RIMBP2: variants seen among roughly 807,000 people sequenced by gnomAD.
The protein encoded by RIMBP2 is RIMS binding protein 2, also known as RIMS-binding protein 2.
Under a neutral mutation model 118.6 loss-of-function variants are expected in RIMBP2, and 48 were observed. The ratio of observed to expected loss-of-function variants is 0.40; its 90% confidence interval spans 0.32 to 0.51. RIMBP2 has a LOEUF of 0.51. Ranked by LOEUF, RIMBP2 falls within the 20% of genes least tolerant of loss-of-function variation. The pLI, the probability that RIMBP2 is intolerant of heterozygous loss-of-function variation, is 0.41. For missense variants in RIMBP2, 1,551 were observed against 1,768.3 expected, an observed-to-expected ratio of 0.88 and a Z score of 2.20; for synonymous variants, 762 against 742.9, an observed-to-expected ratio of 1.03 and a Z score of -0.42.
At chr12:130,456,791 A>G (rs1334614581) in intron 6 of RIMBP2, 91 bp from the exon 7 acceptor site, 17 of 967,334 alleles carry the variant, frequency 1.8e-5, no homozygotes, top group African/African-American at 8.1e-5. Flanking sequence ...ACGTGTGCAC[A>G]TGTGCACTGT....
chr12:130,664,415 A>ACGCACACACACGCACG (rs1195044326), intron 1 of RIMBP2, among the ~76,000 whole-genome samples: 1 of 130,496 alleles, frequency 7.7e-6, no homozygotes, highest in Non-Finnish European at 1.7e-5. Context: ...ACGCACGCAC[A>ACGCACACACACGCACG]CACACGCACA....
chr12:130,526,991 G>C (rs937411975), intron 2 of RIMBP2, among the ~76,000 whole-genome samples: 1 of 152,080 alleles, frequency 6.6e-6, no homozygotes, highest in African/African-American at 2.4e-5. Context: ...CCACAGGGTG[G>C]AAGGCGAGTG....
At chr12:130,513,694 A>G (rs7298605) in intron 3 of RIMBP2, among the ~76,000 whole-genome samples, 11,211 of 152,250 alleles carry the variant, frequency 0.074, 535 homozygotes, top group East Asian at 0.16. Context: ...AGAGAATCCA[A>G]TTCAACACTC....
chr12:130,520,532 C>T (rs917593032), intron 2 of RIMBP2, among the ~76,000 whole-genome samples: 10 of 152,068 alleles, frequency 6.6e-5, no homozygotes, highest in Admixed American at 2.6e-4. Flanking sequence ...ATTAGCCAGG[C>T]GTGGTGGTGG....
At chr12:130,665,524 T>A (rs571137043) in intron 1 of RIMBP2, among the ~76,000 whole-genome samples, 1 of 151,514 alleles carries the variant, frequency 6.6e-6, no homozygotes, top group Non-Finnish European at 1.5e-5. Flanking sequence ...CCAGCCTGGG[T>A]GACAGGGCGA....
chr12:130,709,994 A>G lies in RIMBP2; in HGVS notation c.-352+6228T>C, dbSNP rs1213895892. Among the ~76,000 whole-genome samples, 4 of 152,212 alleles carry G rather than the reference A, an allele frequency of 2.6e-5. No homozygotes were observed. The East Asian group carries it at 7.8e-4, about 30-fold the overall frequency. ...AAAGGGACACCATGACCAACTCCCC[A>G]TGGATGGAAATGACAAAAAGTACAC... On this transcript the variant is annotated intron_variant, in intron 1 of 22. Coordinates refer to ENST00000690449, the MANE Select transcript of RIMBP2 (RefSeq NM_001393629.1).
At chr12:130,582,285 C>CATAGTGGACCCTCA (rs1311723147) in intron 2 of RIMBP2, among the ~76,000 whole-genome samples, 1 of 152,144 alleles carries the variant, frequency 6.6e-6, no homozygotes, top group Non-Finnish European at 1.5e-5. Context: ...GTGCCTGGTA[C>CATAGTGGACCCTCA]ATAGTGGACC....
chr12:130,587,843 GAAAA>G (rs904954927), intron 2 of RIMBP2, among the ~76,000 whole-genome samples: 2 of 135,742 alleles, frequency 1.5e-5, no homozygotes, highest in Non-Finnish European at 3.2e-5. Flanking sequence ...AAAAAAAAAA[GAAAA>G]AAAAAAGAAG....
Position 130,422,592 on chromosome 12 carries a change from T to C in RIMBP2, c.3130-31A>G. The stretch of plus-strand genomic sequence containing the variant: ...GACAAAACAACAACAAAGTCGTAAG[T>C]CTCGCCAGCATTGGGAACTGAAGAA... On this transcript the variant is annotated intron_variant, in intron 16 of 22. Coordinates refer to ENST00000690449, the MANE Select transcript of RIMBP2 (RefSeq NM_001393629.1). This position sits in a 1 kb window ranked among gnomAD's most constrained non-coding sequence, Gnocchi z 5.2. 1 of 1,497,086 alleles carries C rather than the reference T, an allele frequency of 6.7e-7. No individual in the cohort carries two copies. Among genetic ancestry groups the C allele is most frequent in the South Asian group, 1.2e-5 (1 of 84,284 alleles). The allele number at this position is 1,497,086 out of a possible 1,614,324, so 92.7% of individuals were successfully genotyped here.
chr12:130,610,761 C>T lies in RIMBP2; in HGVS notation c.-217+17561G>A, dbSNP rs376784389. ...ATTTTTAGTAGAGACGGGGTTTCAC[C>T]GTGTTAGCCAGGATGGTCTCGATCT... On this transcript the variant is annotated intron_variant, in intron 2 of 22. Coordinates refer to ENST00000690449, the MANE Select transcript of RIMBP2 (RefSeq NM_001393629.1). 3.0e-4 allele frequency among the ~76,000 whole-genome samples: 46 copies of T among 151,672 alleles called. 1 individual carries two copies. Among genetic ancestry groups the T allele is most frequent in the African/African-American group, 1.0e-3 (43 of 41,356 alleles).
At chr12:130,481,013 C>T (rs537480727) in intron 4 of RIMBP2, among the ~76,000 whole-genome samples, 7 of 152,282 alleles carry the variant, frequency 4.6e-5, no homozygotes, top group African/African-American at 1.7e-4. Context: ...CCTGAGGCCG[C>T]TGCCAACTCA....
At chr12:130,481,006 G>A (rs2081953448) in intron 4 of RIMBP2, among the ~76,000 whole-genome samples, 1 of 152,208 alleles carries the variant, frequency 6.6e-6, no homozygotes, top group Admixed American at 6.5e-5. Context: ...GTGGTTTCCT[G>A]AGGCCGCTGC....
rs150675859 is a variant in RIMBP2 at position 130,647,998 on chromosome 12, C to CACACACGTGTGCACACACATGTGA, written c.-351-19566_-351-19543dup. Among the ~76,000 whole-genome samples the CACACACGTGTGCACACACATGTGA allele has an allele frequency of 2.3e-3, 327 of 143,296 alleles. 40 individuals carry two copies. The highest frequency in any genetic ancestry group is 6.2e-3 in the South Asian group (29 of 4,672). The allele number at this position is 143,296 out of a possible 152,430, so 94.0% of individuals were successfully genotyped here. On this transcript the variant is annotated intron_variant, in intron 1 of 22. Coordinates refer to ENST00000690449, the MANE Select transcript of RIMBP2 (RefSeq NM_001393629.1). ...CCCCAGCTCCGTTGGATAACACATG[C>CACACACGTGTGCACACACATGTGA]ACACACGTGTGCACACACATGTGAA...
intron 19 of RIMBP2, among the ~76,000 whole-genome samples, chr12:130,408,756 T>C (rs2075413368): frequency 6.6e-6 from 1 of 152,270 alleles, no homozygotes; most frequent in Admixed American, 6.5e-5. Context: ...ACACAGCCAC[T>C]TTTTGCTTAC....
intron 3 of RIMBP2, among the ~76,000 whole-genome samples, chr12:130,510,688 T>C (rs909564751): frequency 2.6e-5 from 4 of 152,160 alleles, no homozygotes; most frequent in Non-Finnish European, 1.5e-5. Flanking sequence ...AGGCTGGTCT[T>C]GAACTCCTGA....
chr12:130,588,535 T>C (rs1366484517), intron 2 of RIMBP2, among the ~76,000 whole-genome samples: 1 of 152,200 alleles, frequency 6.6e-6, no homozygotes, highest in Non-Finnish European at 1.5e-5. Context: ...AGACCTATTC[T>C]TTCTGCACGA....
At chr12:130,658,018 C>T (rs2063500576) in intron 1 of RIMBP2, 1 of 152,352 alleles carries the variant, frequency 6.6e-6, no homozygotes, top group Non-Finnish European at 1.5e-5. Context: ...AGTTCAGCAA[C>T]GTGACGCTGC....
At chr12:130,413,669 C>G (rs2075899960) in intron 18 of RIMBP2, among the ~76,000 whole-genome samples, 1 of 145,794 alleles carries the variant, frequency 6.9e-6, no homozygotes, top group South Asian at 2.2e-4. Context: ...AACTGGGTAC[C>G]AAAGGGATAG....
chr12:130,530,936 G>A (rs2053306686), intron 2 of RIMBP2, among the ~76,000 whole-genome samples: 1 of 152,158 alleles, frequency 6.6e-6, no homozygotes, highest in Non-Finnish European at 1.5e-5. Flanking sequence ...TGGACAAATT[G>A]AGCAGCTCTT....
Sources: allele counts gnomAD v4.1 joint callset (sites outside exome capture counted in the v4.1 genomes callset), GRCh38; gene constraint gnomAD v4.1.1; non-coding constraint Gnocchi (gnomAD v3.1); transcripts MANE v1.5; gene names NCBI Gene and HGNC (gene_info 2026-07-23, HGNC 2026-07-21).